Variants in KARS1 observed in about 807,000 individuals in gnomAD.
KARS1 encodes lysine--tRNA ligase.
In KARS1, 50 loss-of-function variants were observed where a neutral mutation model predicts 63.9. The ratio of observed to expected loss-of-function variants is 0.78; its 90% CI spans 0.62 to 0.99. KARS1 has a LOEUF of 0.99. Among genes scored for constraint, KARS1 ranks in the 50% least tolerant of loss-of-function variants. The pLI, the probability that KARS1 is intolerant of heterozygous loss-of-function variation, is 0.00. For synonymous variants in KARS1, 320 were observed against 264.6 expected (o/e 1.21, Z -2.03); for missense variants, 816 against 754.5 (o/e 1.08, Z -0.95).
intron 3 of KARS1, among the ~76,000 whole-genome samples, chr16:75,639,298 G>A (rs2082196918): frequency 6.6e-6 from 1 of 152,138 alleles, no homozygotes; most frequent in East Asian, 1.9e-4. Flanking sequence ...GTGGCAGGGT[G>A]TGGCGGCTCA....
At chr16:75,641,751 T>G in intron 1 of KARS1, 28 bp from the exon 2 acceptor site, 1 of 1,612,484 alleles carries the variant, frequency 6.2e-7, no homozygotes, top group South Asian at 1.1e-5. Flanking sequence ...GCGTTCAATG[T>G]GTTAGCTGCC....
Position 75,631,740 on chromosome 16 carries a change from T to C in KARS1, c.1031A>G (p.Tyr344Cys). 6.2e-7 allele frequency: 1 copy of C among 1,614,204 alleles called. No individual in the cohort carries two copies. The highest frequency in any genetic ancestry group is 2.2e-5 in the East Asian group (1 of 44,884). ...EFTTCEFYMA[Y>C]ADYHDLMEIT... ...TTCCATGAGATCGTGATAGTCTGCA[T>C]AGGCCATGTAGAACTCACAGGTGGT... The change falls in exon 8 of 14, where the codon TAT becomes TGT. Residue 344 changes from tyrosine (Y) to cysteine (C), a missense_variant. Physicochemically the swap from Tyr to Cys is radical, Grantham distance 194. Transcript: ENST00000302445.
chr16:75,640,259 G>C lies in KARS1; in HGVS notation c.313C>G (p.Leu105Val), dbSNP rs1026436737. The C allele has an allele frequency of 6.2e-7, 1 of 1,613,670 alleles. No individual in the cohort carries two copies. The change falls in exon 3 of 14, where the codon CTC becomes GTC. Residue 105 changes from leucine to valine, a missense_variant. Transcript: ENST00000302445. ...CTATATTTTTGGATGAAGTCAGTGAGTGAGATGTCTACATGGAACTTGTGT... is the reference window on the plus strand; with the variant it reads ...CTATATTTTTGGATGAAGTCAGTGACTGAGATGTCTACATGGAACTTGTGT... ...YPHKFHVDIS[L>V]TDFIQKYSHL... is the part of the protein sequence containing the mutation.
intron 11 of KARS1, among the ~76,000 whole-genome samples, chr16:75,629,813 G>C (rs2151800892): frequency 6.6e-6 from 1 of 152,306 alleles, no homozygotes; most frequent in Non-Finnish European, 1.5e-5. Context: ...GGCCAGGTTG[G>C]TCTAACGATC....
At chr16:75,628,157 T>C (rs952723996) in intron 13 of KARS1, among the ~76,000 whole-genome samples, 164 bp from the exon 14 acceptor site, 7 of 152,296 alleles carry the variant, frequency 4.6e-5, no homozygotes, top group African/African-American at 1.2e-4. Flanking sequence ...TCAGACCCTC[T>C]CAAGTTACAG....
chr16:75,637,193 C>T (rs191042608), intron 3 of KARS1, among the ~76,000 whole-genome samples: 8 of 151,986 alleles, frequency 5.3e-5, no homozygotes, highest in Admixed American at 5.2e-4. Flanking sequence ...AGAGGCGAAG[C>T]GAAAAATCCA....
chr16:75,647,025 C>A (rs939556044), intron 1 of KARS1, among the ~76,000 whole-genome samples: 3 of 152,140 alleles, frequency 2.0e-5, no homozygotes, highest in Non-Finnish European at 2.9e-5. Context: ...TTAAGATGGT[C>A]TCTACTGTTA....
At chr16:75,639,827 G>A in intron 3 of KARS1, 1 of 199,438 alleles carries the variant, frequency 5.0e-6, no homozygotes, top group South Asian at 1.2e-4. Context: ...TCTCACCCAA[G>A]ATACTACAAC....
intron 3 of KARS1, among the ~76,000 whole-genome samples, chr16:75,638,227 T>A (rs1567502524): frequency 6.6e-6 from 1 of 152,062 alleles, no homozygotes; most frequent in Admixed American, 6.5e-5. Context: ...CTTTTTTTTT[T>A]TTTATTTTAC....
At position 75,631,186 on chromosome 16, in the gene KARS1, T is replaced by G; in HGVS notation, c.1320A>C (p.Thr440=). ...KAVECPPPRT[T]ARLLDKLVGE... is the part of the protein sequence containing the mutation. ...TTCTCACCTTGTCAAGGAGCCTGGC[T>G]GTGGTCCGAGGTGGAGGGCATTCAA... is the stretch of plus-strand genomic sequence containing the variant. Residue 440 remains threonine, a synonymous_variant, in exon 10 of 14, where the codon ACA becomes ACC. Coordinates refer to ENST00000302445, the MANE Select transcript of KARS1 (RefSeq NM_005548.3). The G allele has an allele frequency of 6.2e-7, 1 of 1,613,996 alleles. No individual in the cohort carries two copies. Among genetic ancestry groups the G allele is most frequent in the Non-Finnish European group, 8.5e-7 (1 of 1,179,908 alleles).
intron 3 of KARS1, among the ~76,000 whole-genome samples, chr16:75,636,813 T>G (rs558309981): frequency 3.9e-5 from 6 of 152,028 alleles, no homozygotes; most frequent in African/African-American, 1.2e-4. Flanking sequence ...TTTCTTTTTT[T>G]TTTTAAAGTA....
In KARS1 at chr16:75,647,642, T is replaced by C. The variant is rs1380468125; in HGVS notation, c.-3A>G. The C allele has an allele frequency of 1.9e-6, 3 of 1,613,714 alleles. No individual in the cohort carries two copies. The highest frequency in any genetic ancestry group is 1.7e-5 in the Admixed American group (1 of 59,982). On this transcript the variant is annotated 5_prime_UTR_variant, in exon 1 of 14. Coordinates refer to ENST00000302445, the MANE Select transcript of KARS1 (RefSeq NM_005548.3). ...TCGGCCGCCTGCACGGCCGCCATCT[T>C]CCCGGAGGGCCCGACCCAAAAGTAA... is the stretch of plus-strand genomic sequence containing the variant.
intron 6 of KARS1, chr16:75,635,356 G>C: frequency 3.0e-6 from 1 of 334,014 alleles, no homozygotes; most frequent in South Asian, 2.5e-5. Flanking sequence ...GTTTGAATTT[G>C]TTTTATGGTA....
chr16:75,635,818 C>G lies in KARS1; in HGVS notation c.670-13G>C. 1 of 1,614,192 alleles carries G rather than the reference C, an allele frequency of 6.2e-7. No individual in the cohort carries two copies. The highest frequency in any genetic ancestry group is 1.7e-5 in the Admixed American group (1 of 60,022). The stretch of plus-strand genomic sequence containing the variant: ...GATACCTTGTTTCCTAAACCAAAAG[C>G]AGCAGTTAGAAATCACTGGTATGTC... On this transcript the variant is annotated splice_polypyrimidine_tract_variant and intron_variant, in intron 5 of 13. Transcript: ENST00000302445.
chr16:75,642,883 G>A (rs1357654304), intron 1 of KARS1: 4 of 152,184 alleles, frequency 2.6e-5, no homozygotes, highest in Non-Finnish European at 5.9e-5. Flanking sequence ...TTGTTATGGT[G>A]TGTAATGAGA....
Position 75,629,551 on chromosome 16 carries a change from G to T in KARS1, c.1425-10C>A. ...CTCTTTAGAGCGGTGCCTAGGGACA[G>T]GAGACCAAAGAGGAGGCTGAATATA... is the stretch of plus-strand genomic sequence containing the variant. On this transcript the variant is annotated splice_polypyrimidine_tract_variant and intron_variant, in intron 11 of 13. Transcript: ENST00000302445. 3 of 1,613,902 alleles carry T rather than the reference G, an allele frequency of 1.9e-6. 1 individual carries two copies. In the South Asian group the frequency reaches 3.3e-5, roughly 18 times the overall value.
intron 1 of KARS1, among the ~76,000 whole-genome samples, chr16:75,643,106 TATG>T (rs1277045669): frequency 3.3e-5 from 5 of 152,356 alleles, no homozygotes; most frequent in African/African-American, 9.6e-5. Flanking sequence ...AGCTGTTCTG[TATG>T]ATATGTTCAT....
rs200861855 is a variant in KARS1, at chr16:75,640,140, T to G, written c.388+44A>C. 3.4e-4 allele frequency: 526 copies of G among 1,567,716 alleles called. 6 individuals carry two copies. The Admixed American group carries it at 4.0e-3, about 12-fold the overall frequency. ...CCTTGTGCTACTGAAGCCGCAGGCC[T>G]ACCTGCTGTGGGAGTTCAGTGATTT... On this transcript the variant is annotated intron_variant, in intron 3 of 13. Transcript: ENST00000302445.
rs780320080 is a variant in KARS1, at chr16:75,635,735, C to T, written c.740G>A (p.Arg247His). 6 of 1,613,884 alleles carry T rather than the reference C, an allele frequency of 3.7e-6. No homozygotes were observed. The highest frequency in any genetic ancestry group is 1.3e-5 in the African/African-American group (1 of 74,922). ...NDFVRQKFIIRSKIITYIRSF... is the reference protein window; with the variant it reads ...NDFVRQKFIIHSKIITYIRSF... ...TCTTATATATGTGATGATCTTAGAG[C>T]GGATGATAAATTTCTGCCTCACAAA... The change falls in exon 6 of 14, where the codon CGC becomes CAC. Residue 247 changes from arginine (R) to histidine (H), a missense_variant. Arg to His is a conservative substitution (Grantham distance 29). Coordinates refer to ENST00000302445, the MANE Select transcript of KARS1 (RefSeq NM_005548.3).
Sources: allele counts gnomAD v4.1 joint callset (sites outside exome capture counted in the v4.1 genomes callset), GRCh38; gene constraint gnomAD v4.1.1; transcripts MANE v1.5; gene names NCBI Gene and HGNC (gene_info 2026-07-23, HGNC 2026-07-21).